The following DACH1 variants were observed in gnomAD, a reference collection of about 807,000 sequenced individuals.
DACH1 encodes the protein dachshund homolog 1.
In DACH1, 12 loss-of-function variants were observed where a neutral mutation model predicts 54.2. That is an observed-to-expected ratio of 0.22 (90% CI 0.14 to 0.36). DACH1 has a LOEUF of 0.36. Among genes scored for constraint, DACH1 ranks in the 10% least tolerant of loss-of-function variants. The probability of loss-of-function intolerance (pLI) is 1.00; values close to 1 mark genes in which losing one functional copy is unlikely to be tolerated. For synonymous variants in DACH1, 386 were observed against 366.2 expected, an observed-to-expected ratio of 1.05 and a Z score of -0.62; for missense variants, 805 against 929.8, an observed-to-expected ratio of 0.87 and a Z score of 1.75.
rs185912771 is a variant in DACH1, at chr13:71,734,994, T to C, written c.849-53084A>G. Reference sequence around the variant, plus strand: ...TACACACACAGGATATATATATATATACAGACACAGGATATTTATATATAC... The same window carrying C: ...TACACACACAGGATATATATATATACACAGACACAGGATATTTATATATAC... On this transcript the variant is annotated intron_variant, in intron 1 of 10. Coordinates refer to ENST00000613252, the MANE Select transcript of DACH1 (RefSeq NM_080759.6). 2.9e-3 allele frequency among the ~76,000 whole-genome samples: 430 copies of C among 148,932 alleles called. 3 individuals carry two copies. Among genetic ancestry groups the C allele is most frequent in the African/African-American group, 0.01 (409 of 40,684 alleles).
chr13:71,830,116 A>G (rs1888528038), intron 1 of DACH1, among the ~76,000 whole-genome samples: 1 of 152,078 alleles, frequency 6.6e-6, no homozygotes, highest in African/African-American at 2.4e-5. Flanking sequence ...ATATTCATTT[A>G]TCTTTTACTA....
intron 1 of DACH1, among the ~76,000 whole-genome samples, chr13:71,697,663 AT>A (rs2138740980): frequency 6.6e-6 from 1 of 152,308 alleles, no homozygotes; most frequent in African/African-American, 2.4e-5. Context: ...TGAAGTGTCA[AT>A]TTTTAATTAT....
chr13:71,634,161 C>T (rs950404785), intron 2 of DACH1, among the ~76,000 whole-genome samples: 4 of 151,844 alleles, frequency 2.6e-5, no homozygotes, highest in African/African-American at 7.2e-5. Context: ...TTTGTAGAGA[C>T]GGGGTTTCAC....
chr13:71,606,169 A>G (rs541750728), intron 3 of DACH1, among the ~76,000 whole-genome samples: 3 of 152,204 alleles, frequency 2.0e-5, no homozygotes, highest in South Asian at 4.1e-4. Context: ...TTAACTATAT[A>G]TTGAATGTAT....
chr13:71,574,527 G>C (rs1177764804), intron 3 of DACH1, among the ~76,000 whole-genome samples: 1 of 152,008 alleles, frequency 6.6e-6, no homozygotes, highest in Non-Finnish European at 1.5e-5. Flanking sequence ...CTACGACATA[G>C]TTTTTAATGA....
At chr13:71,505,992 C>T (rs1446055000) in intron 6 of DACH1, among the ~76,000 whole-genome samples, 1 of 152,066 alleles carries the variant, frequency 6.6e-6, no homozygotes, top group Non-Finnish European at 1.5e-5. Flanking sequence ...TTTGTTCCTT[C>T]ATCCTCTTGA....
intron 3 of DACH1, among the ~76,000 whole-genome samples, chr13:71,619,846 G>A (rs1295954846): frequency 2.0e-5 from 3 of 151,770 alleles, no homozygotes; most frequent in Non-Finnish European, 4.4e-5. Context: ...TGTACTAATA[G>A]AAATAGGAAA....
chr13:71,782,640 C>T (rs549565672), intron 1 of DACH1, among the ~76,000 whole-genome samples: 4 of 152,046 alleles, frequency 2.6e-5, no homozygotes, highest in Admixed American at 2.6e-4. Flanking sequence ...GCATCAGGAA[C>T]TATCTTAGTC....
At chr13:71,596,317 A>G (rs921403568) in intron 3 of DACH1, among the ~76,000 whole-genome samples, 3 of 152,090 alleles carry the variant, frequency 2.0e-5, no homozygotes, top group African/African-American at 7.2e-5. Context: ...ATGCCGTGTG[A>G]GTCACTACTC....
At chr13:71,823,768 C>G (rs559555755) in intron 1 of DACH1, among the ~76,000 whole-genome samples, 1 of 151,908 alleles carries the variant, frequency 6.6e-6, no homozygotes, top group East Asian at 1.9e-4. Flanking sequence ...AAGATAAGCA[C>G]TGTTAAATGA....
At chr13:71,843,623 A>G (rs1026595690) in intron 1 of DACH1, among the ~76,000 whole-genome samples, 1 of 152,166 alleles carries the variant, frequency 6.6e-6, no homozygotes, top group African/African-American at 2.4e-5. Flanking sequence ...ATTTTGAAAA[A>G]TGATAGTACT....
chr13:71,559,819 C>A lies in DACH1; in HGVS notation c.1435+1G>T. ...GTGACAAGTAGAAGTATGAGACCTA[C>A]GGATTCTGTCAGAAGAGCTCTCAGT... On this transcript the variant is annotated splice_donor_variant, in intron 5 of 10. Coordinates refer to ENST00000613252, the MANE Select transcript of DACH1 (RefSeq NM_080759.6). LOFTEE classifies it high-confidence loss of function. The A allele has an allele frequency of 6.2e-7, 1 of 1,613,658 alleles. No individual in the cohort carries two copies. The highest frequency in any genetic ancestry group is 8.5e-7 in the Non-Finnish European group (1 of 1,179,882).
At chr13:71,521,496 A>T (rs1339231666) in intron 6 of DACH1, among the ~76,000 whole-genome samples, 1 of 152,060 alleles carries the variant, frequency 6.6e-6, no homozygotes, top group Non-Finnish European at 1.5e-5. Flanking sequence ...TTTAAAACAC[A>T]TTTTAAAACC....
intron 3 of DACH1, among the ~76,000 whole-genome samples, chr13:71,610,255 TA>T (rs1875222417): frequency 1.3e-5 from 2 of 152,204 alleles, no homozygotes; most frequent in Non-Finnish European, 2.9e-5. Context: ...AACTGGACAC[TA>T]AAACAGGGAT....
intron 1 of DACH1, among the ~76,000 whole-genome samples, chr13:71,740,054 G>A (rs1307562914): frequency 6.6e-6 from 1 of 152,094 alleles, no homozygotes. Flanking sequence ...ATATCAACTT[G>A]TACAAATAAA....
chr13:71,719,965 T>C (rs1167292362), intron 1 of DACH1, among the ~76,000 whole-genome samples: 1 of 152,202 alleles, frequency 6.6e-6, no homozygotes, highest in Admixed American at 6.5e-5. Context: ...TGGTTCAATA[T>C]TTATTGAGAG....
rs1043471833 is a variant in DACH1 at position 71,438,443 on chromosome 13, G to A, written c.*2212C>T. 1.0e-4 allele frequency: 16 copies of A among 152,520 alleles called. No individual in the cohort carries two copies. Among genetic ancestry groups the A allele is most frequent in the African/African-American group, 3.6e-4 (15 of 41,554 alleles). 9.4% of individuals were successfully genotyped at this position (152,520 alleles called of 1,614,324 possible). A position where few individuals can be genotyped will look rare whatever the true frequency, so the allele number is the denominator to read the frequency against. On this transcript the variant is annotated 3_prime_UTR_variant, in exon 11 of 11. Coordinates refer to ENST00000613252, the MANE Select transcript of DACH1 (RefSeq NM_080759.6). Reference sequence around the variant, plus strand: ...GACTTACAATAACATTTCATGAATTGTAATATTTACAACATGTTAGTAAGA... The same window carrying A: ...GACTTACAATAACATTTCATGAATTATAATATTTACAACATGTTAGTAAGA...
chr13:71,551,626 T>G (rs1428754874), intron 6 of DACH1, among the ~76,000 whole-genome samples: 1 of 152,146 alleles, frequency 6.6e-6, no homozygotes, highest in Non-Finnish European at 1.5e-5. Flanking sequence ...TTTTGAAGAC[T>G]CAATCTTGAT....
At chr13:71,489,429 T>C (rs1477227732) in intron 6 of DACH1, among the ~76,000 whole-genome samples, 1 of 152,122 alleles carries the variant, frequency 6.6e-6, no homozygotes, top group Non-Finnish European at 1.5e-5. Flanking sequence ...ATCTCATATA[T>C]AGTTGTGATA....
Sources: gnomAD v4.1 joint callset for allele counts (sites outside exome capture counted in the v4.1 genomes callset) on GRCh38, gnomAD v4.1.1 for gene constraint, MANE v1.5 for transcripts, NCBI Gene and HGNC (gene_info 2026-07-23, HGNC 2026-07-21) for gene names.